The following HERC5 variants were observed in gnomAD, a reference collection of about 807,000 sequenced individuals.
HERC5 encodes the protein HECT and RLD domain containing E3 ubiquitin protein ligase 5.
Under a neutral mutation model 119.6 loss-of-function variants are expected in HERC5, and 99 were observed. The observed-to-expected ratio is 0.83, with a 90% CI of 0.70 to 0.98. The LOEUF (loss-of-function observed/expected upper bound fraction) is 0.98, where lower values mean the gene tolerates loss of function less well. Among genes scored for constraint, HERC5 ranks in the 50% least tolerant of loss-of-function variants. The probability of loss-of-function intolerance (pLI) is 0.00; values close to 1 mark genes in which losing one functional copy is unlikely to be tolerated. For missense variants in HERC5, 1,267 were observed against 1,241.3 expected, an observed-to-expected ratio of 1.02 and a Z score of -0.31; for synonymous variants, 478 against 445.9, an observed-to-expected ratio of 1.07 and a Z score of -0.91.
At chr4:88,498,694 C>T (rs1741867381) in intron 18 of HERC5, among the ~76,000 whole-genome samples, 1 of 152,198 alleles carries the variant, frequency 6.6e-6, no homozygotes, top group Non-Finnish European at 1.5e-5. Flanking sequence ...CCTCAGCCTC[C>T]TGAGTAACTG....
At position 88,493,157 on chromosome 4, in the gene HERC5, T is replaced by C; in HGVS notation, c.2277+2T>C. On this transcript the variant is annotated splice_donor_variant, in intron 17 of 22. Coordinates refer to ENST00000264350, the MANE Select transcript of HERC5 (RefSeq NM_016323.4). LOFTEE classifies it high-confidence loss of function. ...TCCTGCATGTGGTTTCCTGTCAAGG[T>C]AAGTTCCCTCTTCTTTGCTTAAGGT... The C allele has an allele frequency of 6.2e-7, 1 of 1,613,612 alleles. No individual in the cohort carries two copies.
Position 88,457,476 on chromosome 4 carries a change from C to T in HERC5, c.207C>T (p.Gly69=). The change falls in exon 1 of 23, where the codon GGC becomes GGT. Residue 69 remains glycine, a synonymous_variant. Transcript: ENST00000264350. ...GGCGCCTCGCGGTCTTGGAACGCGG[C>T]GGGGCGGGCGTCCAGGTTCACCAGC... The part of the protein sequence containing the change: ...SPGRLAVLER[G]GAGVQVHQLL... The T allele has an allele frequency of 2.3e-6, 3 of 1,321,970 alleles. No individual in the cohort carries two copies. The highest frequency in any genetic ancestry group is 2.9e-6 in the Non-Finnish European group (3 of 1,036,594). The allele number at this position is 1,321,970 out of a possible 1,614,324, so 81.9% of individuals were successfully genotyped here.
intron 3 of HERC5, among the ~76,000 whole-genome samples, chr4:88,460,384 G>T (rs530646214): frequency 6.6e-6 from 1 of 152,204 alleles, no homozygotes; most frequent in East Asian, 1.9e-4. Context: ...TCCTAAATTT[G>T]GTTTCATGTT....
At chr4:88,487,968 A>G (rs1741521174) in intron 15 of HERC5, among the ~76,000 whole-genome samples, 2 of 152,204 alleles carry the variant, frequency 1.3e-5, no homozygotes, top group African/African-American at 4.8e-5. Context: ...TGTATGTATA[A>G]TATTCAAATA....
chr4:88,479,875 G>T (rs972870483), intron 13 of HERC5, among the ~76,000 whole-genome samples: 11 of 152,066 alleles, frequency 7.2e-5, no homozygotes, highest in Non-Finnish European at 1.2e-4. Context: ...AGACAATCAT[G>T]ACTAACATGG....
chr4:88,468,963 GC>G (rs1363793696), intron 8 of HERC5, among the ~76,000 whole-genome samples, 193 bp from the exon 9 acceptor site: 2 of 152,110 alleles, frequency 1.3e-5, no homozygotes, highest in African/African-American at 2.4e-5. Flanking sequence ...TTCAGTCTAA[GC>G]CCCCTTGGAC....
At chr4:88,485,715 G>A (rs570825901) in intron 13 of HERC5, among the ~76,000 whole-genome samples, 2 of 151,980 alleles carry the variant, frequency 1.3e-5, no homozygotes, top group African/African-American at 4.8e-5. Context: ...ATTTCCTCTC[G>A]GTAGGGGAAT....
At chr4:88,505,544 T>C in intron 22 of HERC5, 129 bp from the exon 23 acceptor site, 1 of 625,826 alleles carries the variant, frequency 1.6e-6, no homozygotes, top group Non-Finnish European at 2.9e-6. Context: ...CAATCCCCAA[T>C]GCACTGTCAA....
chr4:88,505,264 C>G (rs1742071119), intron 22 of HERC5, among the ~76,000 whole-genome samples: 1 of 152,106 alleles, frequency 6.6e-6, no homozygotes, highest in Non-Finnish European at 1.5e-5. Flanking sequence ...TCCTTGTTGC[C>G]TTTCTAAACC....
chr4:88,495,995 C>A (rs1741785847), intron 18 of HERC5, among the ~76,000 whole-genome samples: 2 of 152,108 alleles, frequency 1.3e-5, no homozygotes, highest in Non-Finnish European at 2.9e-5. Flanking sequence ...TTACATCTGT[C>A]AATATTTACG....
chr4:88,467,155 G>T lies in HERC5; in HGVS notation c.1008G>T (p.Gln336His), dbSNP rs1409451159. 2.5e-6 allele frequency: 4 copies of T among 1,614,194 alleles called. No individual in the cohort carries two copies. Among genetic ancestry groups the T allele is most frequent in the Non-Finnish European group, 3.4e-6 (4 of 1,180,028 alleles). The change falls in exon 7 of 23, where the codon CAG becomes CAT. Residue 336 changes from glutamine (Q) to histidine (H), a missense_variant. By Grantham distance (24) the Gln-to-His change is conservative (BLOSUM62 0). Coordinates refer to ENST00000264350, the MANE Select transcript of HERC5 (RefSeq NM_016323.4). ...TGGGAAATGGTGGAACACGTGACCA[G>T]CTGATGCCGCTTCCAGTGAAAGTAT... ...GQLGNGGTRD[Q>H]LMPLPVKVSS... is the part of the protein sequence containing the mutation.
intron 11 of HERC5, chr4:88,473,837 G>A (rs1470134515): frequency 6.6e-6 from 1 of 152,068 alleles, no homozygotes. Context: ...CATCATTAAG[G>A]GCTCCTTCTG....
At chr4:88,478,389 G>T (rs1741156860) in intron 12 of HERC5, among the ~76,000 whole-genome samples, 3 of 151,900 alleles carry the variant, frequency 2.0e-5, no homozygotes, top group African/African-American at 2.4e-5. Context: ...TCCTTGTGAA[G>T]GTCAAATATG....
intron 13 of HERC5, among the ~76,000 whole-genome samples, chr4:88,482,828 A>G (rs1217845502): frequency 2.0e-5 from 3 of 152,012 alleles, no homozygotes; most frequent in Non-Finnish European, 2.9e-5. Flanking sequence ...ACGAGGTTTC[A>G]CCATGTTGGC....
intron 22 of HERC5, 50 bp downstream of exon 22, chr4:88,504,647 G>A: frequency 8.5e-7 from 1 of 1,175,454 alleles, no homozygotes; most frequent in Non-Finnish European, 1.2e-6. Flanking sequence ...CTTTTTAATG[G>A]GATAAAAATT....
intron 7 of HERC5, chr4:88,467,947 T>C: frequency 1.1e-6 from 1 of 871,474 alleles, no homozygotes; most frequent in Non-Finnish European, 1.4e-6. Context: ...GTATTATCTT[T>C]GATTCCTTAT....
chr4:88,470,134 AAGT>A (rs1740819505), intron 9 of HERC5, among the ~76,000 whole-genome samples: 1 of 152,260 alleles, frequency 6.6e-6, no homozygotes, highest in Non-Finnish European at 1.5e-5. Context: ...TGATTGTACA[AAGT>A]AGTTGCACAA....
At position 88,467,177 on chromosome 4, in the gene HERC5, G is replaced by T. The variant is rs1023450998; in HGVS notation, c.1030G>T (p.Val344Leu). Residue 344 changes from valine to leucine, a missense_variant, in exon 7 of 23, where the codon GTA becomes TTA. Val to Leu is a conservative substitution (Grantham distance 32, BLOSUM62 1). Around this residue, in one of 3 missense-constraint regions of HERC5, gnomAD observed 777 missense variants for 758.0 expected, o/e 1.03. Transcript: ENST00000264350. ...CCAGCTGATGCCGCTTCCAGTGAAA[G>T]TATCATCAAGTGAAGAACTCAAACT... ...RDQLMPLPVK[V>L]SSSEELKLES... The T allele has an allele frequency of 1.2e-6, 2 of 1,614,182 alleles. No homozygotes were observed. Among genetic ancestry groups the T allele is most frequent in the Admixed American group, 3.3e-5 (2 of 60,024 alleles).
At position 88,500,932 on chromosome 4, in the gene HERC5, C is replaced by A. The variant is rs776233049; in HGVS notation, c.2529C>A (p.Asn843Lys). ...GGTTACAGGTGCACTGGGACAGAAA[C>A]GACACAAACTTAATTCCTAATGGAA... ...YIHFNVHWDR[N>K]DTNLIPNGSS... Residue 843 changes from asparagine to lysine, a missense_variant, in exon 20 of 23, where the codon AAC (asparagine) becomes AAA (lysine). This residue lies in a region of HERC5 where 473 missense variants were observed against 445.7 expected (regional missense o/e 1.06). Transcript: ENST00000264350. 1.9e-6 allele frequency: 3 copies of A among 1,611,184 alleles called. No homozygotes were observed. The highest frequency in any genetic ancestry group is 2.7e-5 in the African/African-American group (2 of 74,776).
Sources: allele counts gnomAD v4.1 joint callset (sites outside exome capture counted in the v4.1 genomes callset), GRCh38; gene constraint gnomAD v4.1.1; regional missense constraint gnomAD v4.1.1; transcripts MANE v1.5; gene names NCBI Gene and HGNC (gene_info 2026-07-23, HGNC 2026-07-21).